DEFB107A: variants seen among roughly 807,000 people sequenced by gnomAD.
The protein encoded by DEFB107A is beta-defensin 107.
intron 1 of DEFB107A, among the ~76,000 whole-genome samples, chr8:7,813,632 T>C (rs1339533744): frequency 1.6e-4 from 24 of 151,090 alleles, no homozygotes; most frequent in African/African-American, 5.1e-4. Context: ...GCATACAGCT[T>C]ATAAAGATTA....
intron 1 of DEFB107A, among the ~76,000 whole-genome samples, chr8:7,815,002 C>A (rs1200571964): frequency 1.0e-4 from 3 of 28,734 alleles, no homozygotes; most frequent in African/African-American, 3.5e-4. Flanking sequence ...AATCCCAGGG[C>A]TCTGGGAGGC....
intron 1 of DEFB107A, among the ~76,000 whole-genome samples, chr8:7,813,123 A>C (rs1419358124): frequency 9.2e-6 from 1 of 108,872 alleles, no homozygotes; most frequent in African/African-American, 2.7e-5. Flanking sequence ...GTCCCAAAGC[A>C]GTCATTTTTA....
chr8:7,812,944 C>G (rs1421156284), intron 1 of DEFB107A, among the ~76,000 whole-genome samples: 4 of 151,050 alleles, frequency 2.6e-5, no homozygotes, highest in Non-Finnish European at 4.4e-5. Context: ...TACACACACA[C>G]ACACACACAT....
At chr8:7,812,587 AG>A (rs1817107137) in intron 1 of DEFB107A, among the ~76,000 whole-genome samples, 1 of 134,116 alleles carries the variant, frequency 7.5e-6, no homozygotes, top group African/African-American at 2.5e-5. Context: ...ATGTCAAAAC[AG>A]GAATCTTTTT....
At chr8:7,814,985 T>C (rs1264782541) in intron 1 of DEFB107A, among the ~76,000 whole-genome samples, 128 of 43,024 alleles carry the variant, frequency 3.0e-3, no homozygotes, top group African/African-American at 4.8e-3. Context: ...CGGTGGCTCA[T>C]GCCTGTAATC....
chr8:7,813,006 CA>C lies in DEFB107A; in HGVS notation c.71-1057del, dbSNP rs1250138062. On this transcript the variant is annotated intron_variant, in intron 1 of 1. Transcript: ENST00000335021. ...TTCAATACTGAATCAGGGCAGAGAA[CA>C]AAAAAATAAGTAGAAGAACAAATGA... 2.6e-5 allele frequency among the ~76,000 whole-genome samples: 4 copies of C among 151,140 alleles called. 1 individual carries two copies. The highest frequency in any genetic ancestry group is 9.7e-5 in the African/African-American group (4 of 41,112).
intron 1 of DEFB107A, among the ~76,000 whole-genome samples, chr8:7,813,878 G>C (rs1263508528): frequency 6.7e-6 from 1 of 149,938 alleles, no homozygotes; most frequent in Non-Finnish European, 1.5e-5. Flanking sequence ...ATAAATTGGA[G>C]TACTGATTAA....
chr8:7,812,445 T>G (rs1364596702), intron 1 of DEFB107A, among the ~76,000 whole-genome samples: 1 of 121,184 alleles, frequency 8.3e-6, no homozygotes, highest in South Asian at 3.5e-4. Flanking sequence ...AACAACATGA[T>G]GCTAGTCCTT....
chr8:7,813,549 T>C (rs1817138518), intron 1 of DEFB107A, among the ~76,000 whole-genome samples: 1 of 151,934 alleles, frequency 6.6e-6, no homozygotes. Context: ...CTAATTAATA[T>C]AACAAGTTTA....
At chr8:7,812,740 T>C (rs1016410242) in intron 1 of DEFB107A, among the ~76,000 whole-genome samples, 1 of 136,512 alleles carries the variant, frequency 7.3e-6, no homozygotes, top group African/African-American at 2.5e-5. Context: ...AATATTATCA[T>C]GTGGAATATA....
At chr8:7,813,630 C>T (rs1298617290) in intron 1 of DEFB107A, among the ~76,000 whole-genome samples, 83 of 151,250 alleles carry the variant, frequency 5.5e-4, no homozygotes, top group Non-Finnish European at 8.0e-4. Context: ...GTGCATACAG[C>T]TTATAAAGAT....
At chr8:7,814,965 T>A (rs1817180169) in intron 1 of DEFB107A, among the ~76,000 whole-genome samples, 1 of 61,546 alleles carries the variant, frequency 1.6e-5, no homozygotes, top group Non-Finnish European at 3.1e-5. Flanking sequence ...TAGAATATGC[T>A]GGCCAGGCGC....
chr8:7,813,535 G>T (rs1817137768), intron 1 of DEFB107A, among the ~76,000 whole-genome samples: 1 of 151,758 alleles, frequency 6.6e-6, no homozygotes, highest in Non-Finnish European at 1.5e-5. Flanking sequence ...TAACAAGTTA[G>T]TTTCTAATTA....
At chr8:7,813,192 A>T (rs1255432348) in intron 1 of DEFB107A, among the ~76,000 whole-genome samples, 1 of 119,130 alleles carries the variant, frequency 8.4e-6, no homozygotes, top group African/African-American at 2.6e-5. Flanking sequence ...ATACTTAGCT[A>T]TTCACATCAG....
chr8:7,814,064 C>G, intron 1 of DEFB107A, among the ~76,000 whole-genome samples: 1 of 81,772 alleles, frequency 1.2e-5, no homozygotes, highest in Non-Finnish European at 2.5e-5. Flanking sequence ...TAGTTCTAGT[C>G]TTGCCTATTT....
intron 1 of DEFB107A, among the ~76,000 whole-genome samples, chr8:7,813,644 C>T (rs1339504048): frequency 6.8e-6 from 1 of 146,014 alleles, no homozygotes; most frequent in Non-Finnish European, 1.5e-5. Context: ...TAAAGATTAG[C>T]ACTGAGATCC....
At chr8:7,813,361 G>C (rs1437078011) in intron 1 of DEFB107A, among the ~76,000 whole-genome samples, 1 of 146,502 alleles carries the variant, frequency 6.8e-6, no homozygotes, top group Non-Finnish European at 1.5e-5. Flanking sequence ...ATGGTCAACT[G>C]TTTAGGATGG....
At chr8:7,813,752 A>T (rs1817148043) in intron 1 of DEFB107A, among the ~76,000 whole-genome samples, 1 of 151,976 alleles carries the variant, frequency 6.6e-6, no homozygotes, top group African/African-American at 2.4e-5. Context: ...GATTATGGTG[A>T]TGGTGGTGGT....
At chr8:7,813,420 C>T (rs368407884) in intron 1 of DEFB107A, among the ~76,000 whole-genome samples, 91 of 148,750 alleles carry the variant, frequency 6.1e-4, no homozygotes, top group African/African-American at 2.2e-3. Context: ...TGAAAAAGAA[C>T]CCTCTACCCG....
Sources: allele counts gnomAD v4.1 joint callset (sites outside exome capture counted in the v4.1 genomes callset), GRCh38; gene constraint gnomAD v4.1.1; transcripts MANE v1.5; gene names NCBI Gene and HGNC (gene_info 2026-07-23, HGNC 2026-07-21).